The following DYSF variants were observed in gnomAD, a reference collection of about 807,000 sequenced individuals.
DYSF encodes the protein dysferlin, also known as dystrophy-associated fer-1-like 1.
A neutral mutation model predicts 274.9 loss-of-function variants in DYSF; 212 were observed. That is an observed-to-expected ratio of 0.77 (90% CI 0.69 to 0.86). DYSF has a LOEUF of 0.86. Ranked by LOEUF, DYSF falls within the 40% of genes least tolerant of loss-of-function variation. DYSF has a pLI of 0.00. For synonymous variants in DYSF, 1,091 were observed against 1,078.7 expected, an observed-to-expected ratio of 1.01 and a Z score of -0.22; for missense variants, 2,666 against 2,783.2, an observed-to-expected ratio of 0.96 and a Z score of 0.95.
chr2:71,611,484 G>A lies in DYSF; in HGVS notation c.4079G>A (p.Arg1360Gln), dbSNP rs747583441. 39 of 1,613,996 alleles carry A rather than the reference G, an allele frequency of 2.4e-5. No individual in the cohort carries two copies. Among genetic ancestry groups the A allele is most frequent in the South Asian group, 6.6e-5 (6 of 91,082 alleles). Residue 1360 changes from arginine (R) to glutamine (Q), a missense_variant, in exon 38 of 56, where the codon CGG becomes CAG. Arg to Gln is a conservative substitution (Grantham distance 43, BLOSUM62 1). Coordinates refer to ENST00000410020, the MANE Select transcript of DYSF (RefSeq NM_001130987.2). Reference protein sequence around the residue: ...TAIEILAWGLRNMKSYQLANI... With the variant: ...TAIEILAWGLQNMKSYQLANI... ...GCTTAGATCCTGGCATGGGGCCTGC[G>A]GAACATGAAGAGTTACCAGCTGGCC...
At chr2:71,547,012 G>A (rs1032689959) in intron 17 of DYSF, among the ~76,000 whole-genome samples, 1 of 152,234 alleles carries the variant, frequency 6.6e-6, no homozygotes, top group Admixed American at 6.5e-5. Flanking sequence ...TTCGTTGCTC[G>A]GGCCACAGAA....
intron 30 of DYSF, among the ~76,000 whole-genome samples, chr2:71,588,244 AC>A: frequency 6.6e-6 from 1 of 152,194 alleles, no homozygotes; most frequent in Non-Finnish European, 1.5e-5. Context: ...AGAAGGCTGG[AC>A]TGGACCTTTC....
In DYSF at chr2:71,600,761, G is replaced by C. The variant is rs1473206505; in HGVS notation, c.3816G>C (p.Arg1272=). ...ICQPSLERMP[R]LAWFPLTRGS... is the part of the protein sequence containing the mutation. ...AACCGAGTCTGGAACGGATGCCACGGCTGGCCTGGTTCCCACTGACGAGGG... is the reference window on the plus strand; with the variant it reads ...AACCGAGTCTGGAACGGATGCCACGCCTGGCCTGGTTCCCACTGACGAGGG... Residue 1272 remains arginine (R), a synonymous_variant, in exon 34 of 56, where the codon CGG becomes CGC. Coordinates refer to ENST00000410020, the MANE Select transcript of DYSF (RefSeq NM_001130987.2). The C allele has an allele frequency of 6.2e-7, 1 of 1,613,808 alleles. No individual in the cohort carries two copies. The highest frequency in any genetic ancestry group is 2.2e-5 in the East Asian group (1 of 44,856).
chr2:71,498,068 G>T (rs1038114392), intron 3 of DYSF, among the ~76,000 whole-genome samples: 1 of 152,088 alleles, frequency 6.6e-6, no homozygotes, highest in African/African-American at 2.4e-5. Flanking sequence ...GGCCTGGGGA[G>T]TTTCTTCAGA....
intron 4 of DYSF, among the ~76,000 whole-genome samples, chr2:71,509,433 A>G (rs1026464959): frequency 3.3e-5 from 5 of 152,158 alleles, no homozygotes; most frequent in Admixed American, 3.3e-4. Context: ...AAGTGCTGGG[A>G]TTATAGTTGT....
intron 40 of DYSF, 132 bp from the exon 41 acceptor site, chr2:71,620,415 C>T (rs2094067571): frequency 2.0e-6 from 2 of 984,410 alleles, no homozygotes; most frequent in Non-Finnish European, 3.2e-6. Context: ...TTGTCCAACT[C>T]CAAAGCACAT....
In DYSF at chr2:71,570,347, T is replaced by C; in HGVS notation, c.3085+13T>C. On this transcript the variant is annotated intron_variant, in intron 28 of 55. Transcript: ENST00000410020. The stretch of plus-strand genomic sequence containing the variant: ...GTCGATGAGCAAGGTGGGCAGCATG[T>C]GGAACCTGGCGAGCCCCATCCCCGG... 6.2e-7 allele frequency: 1 copy of C among 1,612,878 alleles called. No individual in the cohort carries two copies. Among genetic ancestry groups the C allele is most frequent in the Non-Finnish European group, 8.5e-7 (1 of 1,178,982 alleles).
At chr2:71,645,435 T>C (rs1001863886) in intron 42 of DYSF, among the ~76,000 whole-genome samples, 3 of 151,966 alleles carry the variant, frequency 2.0e-5, no homozygotes, top group Admixed American at 6.6e-5. Flanking sequence ...CCTGTTGGTG[T>C]GCTCCTACGC....
intron 54 of DYSF, among the ~76,000 whole-genome samples, chr2:71,681,826 T>A (rs566752534): frequency 3.9e-5 from 6 of 152,368 alleles, no homozygotes; most frequent in Admixed American, 3.9e-4. Flanking sequence ...GATGGCTCAG[T>A]TAGTCACCAT....
intron 3 of DYSF, among the ~76,000 whole-genome samples, chr2:71,486,080 T>G (rs752381682): frequency 2.6e-5 from 4 of 152,144 alleles, no homozygotes; most frequent in Non-Finnish European, 5.9e-5. Context: ...GGCTGTGCCT[T>G]GCAACTGTCC....
intron 17 of DYSF, 41 bp downstream of exon 17, chr2:71,539,280 C>T (rs772709318): frequency 1.3e-6 from 2 of 1,562,788 alleles, no homozygotes; most frequent in Admixed American, 1.7e-5. Context: ...CCCCTGTGCT[C>T]TCCCCCGTAC....
At chr2:71,534,392 G>A (rs2089081178) in intron 14 of DYSF, among the ~76,000 whole-genome samples, 1 of 152,228 alleles carries the variant, frequency 6.6e-6, no homozygotes, top group Non-Finnish European at 1.5e-5. Context: ...TCCAAGGCCA[G>A]GGCTGGCCTG....
chr2:71,553,211 G>A (rs1483561551), intron 20 of DYSF, 23 bp downstream of exon 20: 15 of 1,613,728 alleles, frequency 9.3e-6, no homozygotes, highest in Non-Finnish European at 1.3e-5. Context: ...TCCTGGCTGG[G>A]ACCCCGATCA....
rs35982795 is a variant in DYSF, at chr2:71,526,357, C to T, written c.1276+11C>T. On this transcript the variant is annotated intron_variant, in intron 13 of 55. Coordinates refer to ENST00000410020, the MANE Select transcript of DYSF (RefSeq NM_001130987.2). ...AGGACTTGCCGCAGAGTGCGTGGGG[C>T]GCGCCCTTGGGTGGGAGGTCTGCAG... 0.14 allele frequency: 210,728 copies of T among 1,473,386 alleles called. 14,988 individuals carry two copies. The highest frequency in any genetic ancestry group is 0.21 in the African/African-American group (14,491 of 70,038). 91.3% of individuals were successfully genotyped at this position (1,473,386 alleles called of 1,614,324 possible). A position where few individuals can be genotyped will look rare whatever the true frequency, so the allele number is the denominator to read the frequency against.
intron 32 of DYSF, among the ~76,000 whole-genome samples, chr2:71,592,584 C>T (rs985938399): frequency 2.6e-5 from 4 of 152,212 alleles, no homozygotes; most frequent in Non-Finnish European, 5.9e-5. Context: ...GCTGGCATTT[C>T]TCTGAGGAAA....
At chr2:71,626,825 T>C (rs1455600226) in intron 41 of DYSF, among the ~76,000 whole-genome samples, 9 of 152,146 alleles carry the variant, frequency 5.9e-5, no homozygotes, top group Admixed American at 2.0e-4. Context: ...TTTGGGAATA[T>C]TTTAAATTGC....
chr2:71,620,674 T>A, intron 41 of DYSF, 65 bp downstream of exon 41: 4 of 1,426,484 alleles, frequency 2.8e-6, no homozygotes, highest in Non-Finnish European at 2.8e-6. Context: ...GTAGGGGGGT[T>A]AGGAGGGAAA....
intron 41 of DYSF, among the ~76,000 whole-genome samples, chr2:71,629,454 A>G (rs1441412017): frequency 6.6e-6 from 1 of 152,136 alleles, no homozygotes; most frequent in Non-Finnish European, 1.5e-5. Flanking sequence ...GCTCTTGCTC[A>G]TGGTGCCTAG....
chr2:71,458,191 T>C (rs2081148476), intron 1 of DYSF, among the ~76,000 whole-genome samples: 1 of 152,228 alleles, frequency 6.6e-6, no homozygotes, highest in Admixed American at 6.5e-5. Flanking sequence ...AGAGTTTATG[T>C]GTTAGTCCAT....
Sources: gnomAD v4.1 joint callset for allele counts (sites outside exome capture counted in the v4.1 genomes callset) on GRCh38, gnomAD v4.1.1 for gene constraint, MANE v1.5 for transcripts, NCBI Gene and HGNC (gene_info 2026-07-23, HGNC 2026-07-21) for gene names.